The following DNASE1 variants were observed in gnomAD, a reference collection of about 807,000 sequenced individuals.
DNASE1 encodes the protein deoxyribonuclease-1.
Under a neutral mutation model 33.9 loss-of-function variants are expected in DNASE1, and 40 were observed. The observed-to-expected ratio is 1.18, with a 90% CI of 0.92 to 1.54. The LOEUF is 1.54. Among genes scored for constraint, DNASE1 ranks in the 40% most tolerant of loss-of-function variants. The pLI is 0.00. For synonymous variants in DNASE1, 216 were observed against 160.0 expected, an observed-to-expected ratio of 1.35 and a Z score of -2.64; for missense variants, 518 against 372.6, an observed-to-expected ratio of 1.39 and a Z score of -3.21.
chr16:3,638,751 G>C (rs1270427121), upstream of DNASE1, among the ~76,000 whole-genome samples: 4 of 152,064 alleles, frequency 2.6e-5, no homozygotes, highest in African/African-American at 9.7e-5. Flanking sequence ...TTTTCTTCTA[G>C]GACTTCCAAT....
At chr16:3,660,169 A>G (rs1295199317), downstream of DNASE1, 1 of 152,234 alleles carries the variant, frequency 6.6e-6, no homozygotes, top group African/African-American at 2.4e-5. Flanking sequence ...CTGCACAGCA[A>G]GTTCCCCCTT....
At chr16:3,663,529 T>C (rs1567222720) in exon 10 of DNASE1, 3 of 1,613,926 alleles carry the variant, frequency 1.9e-6, no homozygotes, top group Non-Finnish European at 2.5e-6. Flanking sequence ...TGCAGCAGGG[T>C]GAGCTCATCA....
rs779572034 is a variant in DNASE1 at position 3,656,162 on chromosome 16, G to GGAGC, written c.299_302dup (p.Tyr102AlafsTer9). 9.0e-5 allele frequency: 146 copies of GGAGC among 1,613,996 alleles called. 1 individual carries two copies. The highest frequency in any genetic ancestry group is 1.2e-4 in the Non-Finnish European group (136 of 1,180,020). ...AGCCACTGGGACGGAACAGCTATAA[G>GGAGC]GAGCGCTACCTGTTCGTGTACAGGT... On this transcript the variant is annotated frameshift_variant, in exon 4 of 9. Transcript: ENST00000246949. LOFTEE classifies it high-confidence loss of function.
intron 1 of DNASE1, among the ~76,000 whole-genome samples, chr16:3,636,591 C>T (rs938439081): frequency 3.3e-5 from 5 of 150,328 alleles, no homozygotes; most frequent in African/African-American, 1.2e-4. Flanking sequence ...GGAGGCTGAG[C>T]GGGGAGGATC....
At chr16:3,662,517 C>T, downstream of DNASE1, 2 of 526,026 alleles carry the variant, frequency 3.8e-6, no homozygotes, top group East Asian at 3.7e-5. Context: ...CTCTGAAGCC[C>T]ACCCAAAACC....
downstream of DNASE1, chr16:3,660,780 T>C (rs1270241540): frequency 6.6e-6 from 1 of 152,102 alleles, no homozygotes; most frequent in African/African-American, 2.4e-5. Flanking sequence ...AAAAACTGGC[T>C]GGGGGTGGTA....
In DNASE1 at chr16:3,614,060, C is replaced by T. The variant is rs193007548; in HGVS notation, c.-1359+2054C>T. Reference sequence around the variant, plus strand: ...CCCGAATACCTGGGACTACAGGCGCCCGCCACCACACCTGGCTAATTTTTT... The same window carrying T: ...CCCGAATACCTGGGACTACAGGCGCTCGCCACCACACCTGGCTAATTTTTT... On this transcript the variant is annotated intron_variant and NMD_transcript_variant, in intron 1 of 11. Transcript: ENST00000570769. 7.2e-3 allele frequency among the ~76,000 whole-genome samples: 1,088 copies of T among 152,120 alleles called. 16 individuals are homozygous for T. Among genetic ancestry groups the T allele is most frequent in the African/African-American group, 0.025 (1,028 of 41,498 alleles).
intron 1 of DNASE1, among the ~76,000 whole-genome samples, chr16:3,636,764 G>T (rs149479213): frequency 1.3e-5 from 2 of 149,762 alleles, no homozygotes; most frequent in African/African-American, 4.9e-5. Flanking sequence ...AGGTTGCAGT[G>T]AGCCAAGATC....
At chr16:3,664,681 C>G in exon 10 of DNASE1, 1 of 534,250 alleles carries the variant, frequency 1.9e-6, no homozygotes, top group Non-Finnish European at 3.3e-6. Context: ...ACCTCCTGCC[C>G]CAGGTGGCCC....
intron 2 of DNASE1, 117 bp downstream of exon 2, chr16:3,655,637 C>T (rs1774393748): frequency 3.3e-6 from 5 of 1,512,908 alleles, no homozygotes; most frequent in Non-Finnish European, 4.5e-6. Context: ...AGCACCACTG[C>T]TCCCAGCACG....
At chr16:3,654,091 A>G (rs1239012415), upstream of DNASE1, 5 of 283,090 alleles carry the variant, frequency 1.8e-5, no homozygotes, top group Non-Finnish European at 2.0e-5. Flanking sequence ...CCTTGGCAAC[A>G]CAGTGTGAGA....
intron 3 of DNASE1, 24 bp downstream of exon 3, chr16:3,655,961 A>G (rs2042578383): frequency 6.2e-7 from 1 of 1,613,458 alleles, no homozygotes; most frequent in Non-Finnish European, 8.5e-7. Context: ...GCAGGGTCAT[A>G]GGAAGGTGAC....
At chr16:3,658,774 C>T, downstream of DNASE1, 2 of 1,611,082 alleles carry the variant, frequency 1.2e-6, no homozygotes, top group Non-Finnish European at 1.7e-6. Flanking sequence ...CTGCAGTCAT[C>T]CTAAGCTGCT....
At chr16:3,627,025 C>T (rs1402893336) in intron 1 of DNASE1, among the ~76,000 whole-genome samples, 3 of 151,738 alleles carry the variant, frequency 2.0e-5, no homozygotes, top group Non-Finnish European at 4.4e-5. Context: ...GCACATGCCA[C>T]CATGCTTATT....
chr16:3,632,401 C>T (rs1193114386), intron 1 of DNASE1, among the ~76,000 whole-genome samples: 1 of 152,100 alleles, frequency 6.6e-6, no homozygotes, highest in Non-Finnish European at 1.5e-5. Flanking sequence ...TGTTGTTAGG[C>T]GTATACACAT....
downstream of DNASE1, chr16:3,659,977 T>G (rs1004080167): frequency 2.0e-5 from 3 of 152,180 alleles, no homozygotes; most frequent in African/African-American, 4.8e-5. Flanking sequence ...TCCACCCGCC[T>G]AGGCCTCCCA....
exon 10 of DNASE1, chr16:3,664,010 C>CCGAG: frequency 5.0e-6 from 2 of 400,648 alleles, no homozygotes; most frequent in Non-Finnish European, 8.9e-6. Context: ...TTGCAGTGAG[C>CCGAG]CGAGATCGCA....
rs8176939 is a variant in DNASE1 at position 3,657,751 on chromosome 16, G to A, written c.736G>A (p.Ala246Thr). ...GGTTGCAGGGATGCTGCTCCGAGGC[G>A]CCGTTGTTCCCGACTCGGCTCTTCC... ...IVVAGMLLRG[A>T]VVPDSALPFN... is the part of the protein sequence containing the mutation. Residue 246 changes from alanine (A) to threonine (T), a missense_variant, in exon 8 of 9, where the codon GCC becomes ACC. Ala to Thr is a moderately conservative substitution (Grantham distance 58, BLOSUM62 0). Coordinates refer to ENST00000246949, the MANE Select transcript of DNASE1 (RefSeq NM_005223.4). The A allele has an allele frequency of 5.2e-5, 84 of 1,613,856 alleles. No individual in the cohort carries two copies. The highest frequency in any genetic ancestry group is 6.6e-5 in the Non-Finnish European group (78 of 1,179,936).
intron 1 of DNASE1, among the ~76,000 whole-genome samples, chr16:3,615,412 G>A (rs968253328): frequency 1.3e-5 from 2 of 152,140 alleles, no homozygotes; most frequent in African/African-American, 4.8e-5. Flanking sequence ...AGAAGCCCTG[G>A]GGTTCATGCT....
Sources: gnomAD v4.1 joint callset for allele counts (sites outside exome capture counted in the v4.1 genomes callset) on GRCh38, gnomAD v4.1.1 for gene constraint, MANE v1.5 for transcripts, NCBI Gene and HGNC (gene_info 2026-07-23, HGNC 2026-07-21) for gene names.